The following PTPN1 variants were observed in gnomAD, a reference collection of about 807,000 sequenced individuals.
The protein encoded by PTPN1 is tyrosine-protein phosphatase non-receptor type 1.
PTPN1 carries 12 observed loss-of-function variants against 59.9 expected under a neutral mutation model. The observed-to-expected ratio is 0.20, with a 90% CI of 0.13 to 0.32. The LOEUF (loss-of-function observed/expected upper bound fraction) is 0.32. PTPN1 is among the 10% of genes least tolerant of loss of function. PTPN1 has a pLI of 1.00. For missense variants in PTPN1, 356 were observed against 549.2 expected (o/e 0.65, Z 3.52); for synonymous variants, 178 against 203.6 (o/e 0.87, Z 1.07).
intron 5 of PTPN1, chr20:50,577,386 C>T (rs1269636545): frequency 6.6e-6 from 1 of 152,258 alleles, no homozygotes; most frequent in African/African-American, 2.4e-5. Context: ...CACTGGGCCA[C>T]AGGGAAACTC....
chr20:50,515,148 T>G (rs927380029), intron 1 of PTPN1, among the ~76,000 whole-genome samples: 3 of 152,228 alleles, frequency 2.0e-5, no homozygotes, highest in Non-Finnish European at 4.4e-5. Flanking sequence ...TTCATAACAC[T>G]TGTAAAGTCC....
intron 1 of PTPN1, among the ~76,000 whole-genome samples, chr20:50,544,658 G>A (rs1280320702): frequency 2.0e-5 from 3 of 152,162 alleles, no homozygotes; most frequent in Non-Finnish European, 2.9e-5. Flanking sequence ...CTGGGCCAGC[G>A]GGGCTCAAAC....
chr20:50,521,032 C>A (rs1335793716), intron 1 of PTPN1, among the ~76,000 whole-genome samples: 1 of 152,062 alleles, frequency 6.6e-6, no homozygotes, highest in African/African-American at 2.4e-5. Context: ...TATGGCTGTG[C>A]CTGATCCCCC....
intron 1 of PTPN1, among the ~76,000 whole-genome samples, chr20:50,523,200 A>T (rs2082558780): frequency 6.6e-6 from 1 of 152,212 alleles, no homozygotes; most frequent in African/African-American, 2.4e-5. Flanking sequence ...TAGATGGAAG[A>T]TGCAGCCCCT....
Position 50,568,805 on chromosome 20 carries a change from T to G in PTPN1, c.354+327T>G, listed in dbSNP as rs1356927400. On this transcript the variant is annotated intron_variant, in intron 4 of 9. Transcript: ENST00000371621. This position sits in a 1 kb window ranked among gnomAD's most constrained non-coding sequence, Gnocchi z 5.6. Reference sequence around the variant, plus strand: ...AGTTGTGTGTGGAGTTATGGAGACCTGCTTTTATCTTGAAAAGCAAGTTCT... The same window carrying G: ...AGTTGTGTGTGGAGTTATGGAGACCGGCTTTTATCTTGAAAAGCAAGTTCT... Among the ~76,000 whole-genome samples the G allele has an allele frequency of 1.3e-5, 2 of 152,184 alleles. No homozygotes were observed. Among genetic ancestry groups the G allele is most frequent in the Non-Finnish European group, 2.9e-5 (2 of 68,030 alleles).
intron 1 of PTPN1, among the ~76,000 whole-genome samples, chr20:50,551,566 T>G (rs182740748): frequency 5.3e-5 from 8 of 152,348 alleles, no homozygotes; most frequent in Admixed American, 6.5e-5. Context: ...GGGAGAGCCG[T>G]ACACATTTGA....
chr20:50,535,575 G>A (rs558755497), intron 1 of PTPN1, among the ~76,000 whole-genome samples: 1 of 152,300 alleles, frequency 6.6e-6, no homozygotes, highest in South Asian at 2.1e-4. Context: ...GGGAAAGTTA[G>A]GATTTGGTTA....
intron 1 of PTPN1, among the ~76,000 whole-genome samples, chr20:50,516,707 C>G (rs1261798628): frequency 6.6e-6 from 1 of 152,146 alleles, no homozygotes; most frequent in Non-Finnish European, 1.5e-5. Flanking sequence ...GTAGCCCTGA[C>G]ACGTACGCTA....
rs117791465 is a variant in PTPN1 at position 50,578,069 on chromosome 20, C to T, written c.493-351C>T. 4.1e-3 allele frequency: 757 copies of T among 186,224 alleles called. 4 individuals carry two copies. The highest frequency in any genetic ancestry group is 6.3e-3 in the Non-Finnish European group (562 of 88,884). 11.5% of individuals were successfully genotyped at this position (186,224 alleles called of 1,614,324 possible). A position where few individuals can be genotyped will look rare whatever the true frequency, so the allele number is the denominator to read the frequency against. ...CGGGAGGCCTTGCAGGGCTTTATGA[C>T]AAGATTTTATGGGTGGCTGCCCAGC... On this transcript the variant is annotated intron_variant, in intron 5 of 9. Coordinates refer to ENST00000371621, the MANE Select transcript of PTPN1 (RefSeq NM_002827.4).
At chr20:50,523,370 C>T (rs2122726344) in intron 1 of PTPN1, among the ~76,000 whole-genome samples, 1 of 152,158 alleles carries the variant, frequency 6.6e-6, no homozygotes, top group South Asian at 2.1e-4. Flanking sequence ...AGAACCCTTC[C>T]CAAAAGGACA....
intron 3 of PTPN1, among the ~76,000 whole-genome samples, chr20:50,566,153 C>A (rs113824370): frequency 0.022 from 3,304 of 152,248 alleles, 56 homozygotes; most frequent in Non-Finnish European, 0.034. Context: ...CTCCCAGCAC[C>A]TCTGGGGTAT....
chr20:50,525,978 G>T (rs912071906), intron 1 of PTPN1, among the ~76,000 whole-genome samples: 1 of 152,140 alleles, frequency 6.6e-6, no homozygotes, highest in Non-Finnish European at 1.5e-5. Context: ...AGGCATCCTG[G>T]ATAGAAGACC....
rs984076230 is a variant in PTPN1, at chr20:50,582,571, A to C, written c.1285-121A>C. On this transcript the variant is annotated intron_variant, in intron 9 of 9. Transcript: ENST00000371621. The surrounding 1 kb of genome is among the most constrained non-coding windows in gnomAD (Gnocchi z 4.2). ...GGGGGCTACTGTAAAAAATAAAACC[A>C]AAACCCCCTTTGCTCCCTCGGAGGT... 5 of 1,017,842 alleles carry C rather than the reference A, an allele frequency of 4.9e-6. No individual in the cohort carries two copies. Among genetic ancestry groups the C allele is most frequent in the Admixed American group, 4.9e-5 (2 of 40,426 alleles). 63.1% of individuals were successfully genotyped at this position (1,017,842 alleles called of 1,614,324 possible).
chr20:50,515,511 C>T (rs1036245700), intron 1 of PTPN1, among the ~76,000 whole-genome samples: 1 of 152,144 alleles, frequency 6.6e-6, no homozygotes, highest in Non-Finnish European at 1.5e-5. Flanking sequence ...AGGCTGGTCT[C>T]AAACTCCTGG....
At chr20:50,545,845 C>T (rs937423546) in intron 1 of PTPN1, among the ~76,000 whole-genome samples, 2 of 151,576 alleles carry the variant, frequency 1.3e-5, no homozygotes, top group Admixed American at 1.3e-4. Flanking sequence ...GCGAGACCCC[C>T]CCTCCCCCCG....
Position 50,585,180 on chromosome 20 carries a change from A to G in PTPN1, c.*2465A>G, listed in dbSNP as rs1256953007. 6.6e-6 allele frequency: 1 copy of G among 152,254 alleles called. No homozygotes were observed. The highest frequency in any genetic ancestry group is 1.5e-5 in the Non-Finnish European group (1 of 68,042). The allele number at this position is 152,254 out of a possible 1,614,324, so 9.4% of individuals were successfully genotyped here. A position where few individuals can be genotyped will look rare whatever the true frequency, so the allele number is the denominator to read the frequency against. Reference sequence around the variant, plus strand: ...CTTGATATAGAATTGACTTAGAAATAAGACAGATTAGTATAGTTTTTCATT... The same window carrying G: ...CTTGATATAGAATTGACTTAGAAATGAGACAGATTAGTATAGTTTTTCATT... On this transcript the variant is annotated 3_prime_UTR_variant, in exon 10 of 10. Transcript: ENST00000371621.
At chr20:50,537,393 A>G (rs1168035579) in intron 1 of PTPN1, among the ~76,000 whole-genome samples, 1 of 152,182 alleles carries the variant, frequency 6.6e-6, no homozygotes, top group African/African-American at 2.4e-5. Flanking sequence ...CGCTTTGCCT[A>G]GTTCCCCCAT....
At chr20:50,560,955 T>G (rs979057896) in intron 1 of PTPN1, among the ~76,000 whole-genome samples, 2 of 152,158 alleles carry the variant, frequency 1.3e-5, no homozygotes, top group African/African-American at 2.4e-5. Flanking sequence ...TTATAGAAAT[T>G]GCAGTTGGAA....
intron 1 of PTPN1, among the ~76,000 whole-genome samples, chr20:50,547,451 C>A (rs1242572226): frequency 1.3e-5 from 2 of 151,968 alleles, no homozygotes; most frequent in Non-Finnish European, 2.9e-5. Context: ...GCAACCTCTG[C>A]CTCCCGGGTT....
Sources: gnomAD v4.1 joint callset for allele counts (sites outside exome capture counted in the v4.1 genomes callset) on GRCh38, gnomAD v4.1.1 for gene constraint, Gnocchi (gnomAD v3.1) non-coding constraint, MANE v1.5 for transcripts, NCBI Gene and HGNC (gene_info 2026-07-23, HGNC 2026-07-21) for gene names.